Variants in ZFHX3 observed in about 807,000 individuals in gnomAD.
ZFHX3 encodes zinc finger homeobox 3.
Under a neutral mutation model 279.1 loss-of-function variants are expected in ZFHX3, and 42 were observed. That is an observed-to-expected ratio of 0.15 (90% CI 0.12 to 0.19). The LOEUF (loss-of-function observed/expected upper bound fraction) is 0.19. Ranked by LOEUF, ZFHX3 falls within the 10% of genes least tolerant of loss-of-function variation. The pLI is 1.00. For synonymous variants in ZFHX3, 2,293 were observed against 1,957.8 expected (o/e 1.17, Z -4.52); for missense variants, 4,981 against 4,754.0 (o/e 1.05, Z -1.40).
At chr16:73,537,901 C>T (rs1325281844) in intron 2 of ZFHX3, among the ~76,000 whole-genome samples, 2 of 152,130 alleles carry the variant, frequency 1.3e-5, no homozygotes, top group East Asian at 3.9e-4. Context: ...TCTTGGAATT[C>T]GACTTATCGA....
intron 3 of ZFHX3, among the ~76,000 whole-genome samples, chr16:73,406,133 C>A (rs911064246): frequency 2.0e-5 from 3 of 152,254 alleles, no homozygotes; most frequent in Non-Finnish European, 4.4e-5. Flanking sequence ...CAGATGCCTG[C>A]GCATCAGCTG....
chr16:73,228,111 C>T (rs2012661188), intron 5 of ZFHX3, among the ~76,000 whole-genome samples: 1 of 152,108 alleles, frequency 6.6e-6, no homozygotes, highest in Non-Finnish European at 1.5e-5. Context: ...GGCAGTCTGG[C>T]TCCTATACAA....
intron 2 of ZFHX3, among the ~76,000 whole-genome samples, chr16:73,508,762 T>C (rs1361584524): frequency 6.6e-6 from 1 of 152,204 alleles, no homozygotes; most frequent in Non-Finnish European, 1.5e-5. Context: ...ATGAATACTG[T>C]GACTTAGTGA....
intron 1 of ZFHX3, among the ~76,000 whole-genome samples, chr16:73,721,074 A>G (rs116773901): frequency 0.017 from 2,616 of 152,234 alleles, 77 homozygotes; most frequent in African/African-American, 0.06. Context: ...CCAGTTCACC[A>G]CTTCCTCCAT....
intron 2 of ZFHX3, among the ~76,000 whole-genome samples, chr16:73,555,280 G>A (rs2020260105): frequency 1.3e-5 from 2 of 151,960 alleles, no homozygotes; most frequent in Admixed American, 6.5e-5. Context: ...TCAGCCTGCC[G>A]AATAGCTGGG....
intron 4 of ZFHX3, among the ~76,000 whole-genome samples, chr16:73,301,621 G>A (rs574150066): frequency 6.6e-6 from 1 of 152,142 alleles, no homozygotes; most frequent in Admixed American, 6.5e-5. Context: ...AGTCCTAGAG[G>A]CCTTGCAATG....
chr16:73,182,494 A>G (rs1967819536), intron 5 of ZFHX3, among the ~76,000 whole-genome samples: 1 of 152,146 alleles, frequency 6.6e-6, no homozygotes, highest in African/African-American at 2.4e-5. Flanking sequence ...GATCTCAAAT[A>G]ACTAAAAATA....
intron 3 of ZFHX3, among the ~76,000 whole-genome samples, chr16:72,898,450 T>C (rs963979179): frequency 2.6e-5 from 4 of 152,256 alleles, no homozygotes; most frequent in African/African-American, 9.6e-5. Flanking sequence ...ACGAATCACA[T>C]TTCCTGATTC....
intron 7 of ZFHX3, chr16:73,093,672 G>T: frequency 2.4e-6 from 1 of 416,442 alleles, no homozygotes; most frequent in Non-Finnish European, 4.9e-6. Context: ...CCATTACAGC[G>T]CTGATTAAAT....
chr16:73,773,610 A>G (rs2054044847), intron 1 of ZFHX3, among the ~76,000 whole-genome samples: 1 of 152,236 alleles, frequency 6.6e-6, no homozygotes, highest in South Asian at 2.1e-4. Context: ...AGGGACAGAG[A>G]GAGGGCCATC....
intron 4 of ZFHX3, among the ~76,000 whole-genome samples, chr16:73,294,447 G>C (rs914068326): frequency 2.0e-5 from 3 of 152,170 alleles, no homozygotes; most frequent in African/African-American, 7.2e-5. Flanking sequence ...ATAAAGTGGG[G>C]GGCTGGATAA....
At chr16:72,946,795 G>A (rs1320291232) in intron 3 of ZFHX3, among the ~76,000 whole-genome samples, 2 of 152,218 alleles carry the variant, frequency 1.3e-5, no homozygotes, top group Admixed American at 6.5e-5. Context: ...ATCTCTACGG[G>A]TGGAGAAGAT....
intron 2 of ZFHX3, among the ~76,000 whole-genome samples, chr16:73,664,090 T>TA (rs900331819): frequency 7.9e-5 from 12 of 152,176 alleles, no homozygotes; most frequent in Non-Finnish European, 1.6e-4. Flanking sequence ...ATGTCATTTT[T>TA]AAAAAAGAAA....
At chr16:72,920,421 C>T (rs1209888628) in intron 3 of ZFHX3, among the ~76,000 whole-genome samples, 3 of 152,066 alleles carry the variant, frequency 2.0e-5, no homozygotes. Flanking sequence ...TGGCTCATGC[C>T]TGTAATCCAA....
rs1960934166 is a variant in ZFHX3, at chr16:72,950,505, G to T, written c.3180C>A (p.Val1060=). The T allele has an allele frequency of 1.2e-6, 2 of 1,614,160 alleles. No homozygotes were observed. Among genetic ancestry groups the T allele is most frequent in the African/African-American group, 1.3e-5 (1 of 75,058 alleles). ...TCAGGCTGGCCTCGTGCCTGGAGTTGACCGTGTGCAGCCGCAGCTTCTCCA... is the reference window on the plus strand; with the variant it reads ...TCAGGCTGGCCTCGTGCCTGGAGTTTACCGTGTGCAGCCGCAGCTTCTCCA... The part of the protein sequence containing the change: ...NSLEKLRLHT[V]NSRHEASLKL... Residue 1060 remains valine, a synonymous_variant, in exon 3 of 10, where the codon GTC becomes GTA. Transcript: ENST00000268489.
intron 4 of ZFHX3, among the ~76,000 whole-genome samples, chr16:73,315,534 C>T (rs1377040506): frequency 6.6e-6 from 1 of 151,980 alleles, no homozygotes. Flanking sequence ...TTATCTTTCA[C>T]ATAATTTCCA....
At chr16:72,904,467 A>G (rs773323297) in intron 3 of ZFHX3, among the ~76,000 whole-genome samples, 1 of 152,112 alleles carries the variant, frequency 6.6e-6, no homozygotes. Context: ...ATCCTTCTAA[A>G]GCTCCACTAT....
chr16:72,964,028 G>A (rs568473802), intron 1 of ZFHX3, among the ~76,000 whole-genome samples: 2 of 152,246 alleles, frequency 1.3e-5, no homozygotes, highest in East Asian at 3.9e-4. Flanking sequence ...TATCCCATGC[G>A]GGATCACTCA....
chr16:73,612,624 A>G lies in ZFHX3; in HGVS notation c.-1547+67556T>C, dbSNP rs147301064. Among the ~76,000 whole-genome samples the G allele has an allele frequency of 6.0e-3, 919 of 152,354 alleles. 11 individuals are homozygous for G. The highest frequency in any genetic ancestry group is 8.2e-3 in the Non-Finnish European group (561 of 68,038). On this transcript the variant is annotated intron_variant, in intron 2 of 17. Transcript: ENST00000641206. ...TACATTGCAATAAAGCTGTTTAAAA[A>G]CAAAACAAAACGAGGTGTATTTCCA...
Sources: gnomAD v4.1 joint callset for allele counts (sites outside exome capture counted in the v4.1 genomes callset) on GRCh38, gnomAD v4.1.1 for gene constraint, MANE v1.5 for transcripts, NCBI Gene and HGNC (gene_info 2026-07-23, HGNC 2026-07-21) for gene names.